The following GCN1 variants were observed in gnomAD, a reference collection of about 807,000 sequenced individuals.
GCN1 encodes GCN1 activator of EIF2AK4.
Under a neutral mutation model 288.4 loss-of-function variants are expected in GCN1, and 90 were observed. The observed-to-expected ratio is 0.31, with a 90% CI of 0.26 to 0.37. The LOEUF is 0.37. GCN1 is among the 10% of genes least tolerant of loss of function. GCN1 has a pLI of 1.00. For synonymous variants in GCN1, 1,386 were observed against 1,420.2 expected (o/e 0.98, Z 0.54); for missense variants, 2,586 against 3,419.9 (o/e 0.76, Z 6.08).
At chr12:120,135,395 G>A (rs1012334838) in intron 51 of GCN1, among the ~76,000 whole-genome samples, 9 of 151,256 alleles carry the variant, frequency 6.0e-5, no homozygotes, top group Non-Finnish European at 1.2e-4. Flanking sequence ...ACGGAGTTTC[G>A]CTCTTGTTGC....
Position 120,148,252 on chromosome 12 carries a change from C to T in GCN1, c.4641G>A (p.Leu1547=), listed in dbSNP as rs1180057910. The T allele has an allele frequency of 6.2e-7, 1 of 1,614,042 alleles. No individual in the cohort carries two copies. The highest frequency in any genetic ancestry group is 8.5e-7 in the Non-Finnish European group (1 of 1,179,930). ...TCTGGACTTTGACATGGGAGTCGGT[C>T]AGCACCTCCGTAAGCTTGGGCACAA... ...PNIVPKLTEV[L]TDSHVKVQKA... The change falls in exon 37 of 58, where the codon CTG becomes CTA. Residue 1547 remains leucine, a synonymous_variant. Transcript: ENST00000300648.
Position 120,137,099 on chromosome 12 carries a change from C to T in GCN1, c.6777+107G>A, listed in dbSNP as rs549956086. ...CGAAGGTGCTGAACACCAACCACCA[C>T]GGCTACTGCTCCAGCAGCCCCTACC... On this transcript the variant is annotated intron_variant, in intron 50 of 57. Transcript: ENST00000300648. The surrounding 1 kb of genome is among the most constrained non-coding windows in gnomAD (Gnocchi z 5.2). 4.3e-4 allele frequency: 336 copies of T among 784,544 alleles called. 1 individual carries two copies. Among genetic ancestry groups the T allele is most frequent in the African/African-American group, 9.3e-4 (55 of 59,072 alleles). The allele number at this position is 784,544 out of a possible 1,614,324, so 48.6% of individuals were successfully genotyped here. A position where few individuals can be genotyped will look rare whatever the true frequency, so the allele number is the denominator to read the frequency against.
chr12:120,177,131 T>G (rs1878504603), intron 9 of GCN1, among the ~76,000 whole-genome samples: 1 of 152,128 alleles, frequency 6.6e-6, no homozygotes, highest in African/African-American at 2.4e-5. Context: ...GTCGCCATCT[T>G]GGCTCACTGC....
Position 120,142,749 on chromosome 12 carries a change from G to A in GCN1, c.5614-27C>T, listed in dbSNP as rs376747146. 1 of 1,610,388 alleles carries A rather than the reference G, an allele frequency of 6.2e-7. No individual in the cohort carries two copies. Among genetic ancestry groups the A allele is most frequent in the Non-Finnish European group, 8.5e-7 (1 of 1,176,528 alleles). On this transcript the variant is annotated intron_variant, in intron 43 of 57. Transcript: ENST00000300648. This position sits in a 1 kb window ranked among gnomAD's most constrained non-coding sequence, Gnocchi z 4.9. ...TGCAGCCAGTAGAAGGGGACAGAGAGTAGTGAAGCCTCTATGGCATGGGCA... is the reference window on the plus strand; with the variant it reads ...TGCAGCCAGTAGAAGGGGACAGAGAATAGTGAAGCCTCTATGGCATGGGCA...
chr12:120,174,320 C>T, intron 12 of GCN1, 151 bp from the exon 13 acceptor site: 1 of 610,820 alleles, frequency 1.6e-6, no homozygotes. Context: ...GATCTTCCTT[C>T]AATGCCCCCT....
chr12:120,163,725 C>A (rs1218558765), intron 18 of GCN1, among the ~76,000 whole-genome samples: 1 of 152,024 alleles, frequency 6.6e-6, no homozygotes, highest in African/African-American at 2.4e-5. Context: ...CCCTATTTGC[C>A]TTTGAAACGC....
rs890209375 is a variant in GCN1 at position 120,131,982 on chromosome 12, A to G, written c.7358T>C (p.Leu2453Pro). The G allele has an allele frequency of 1.2e-6, 2 of 1,604,676 alleles. No homozygotes were observed. The highest frequency in any genetic ancestry group is 1.7e-6 in the Non-Finnish European group (2 of 1,174,976). ...CTCCTCTTCAGTCAAAAAGGCACAC[A>G]GTTCCCCTAGGCACCCGGCTGAGGA... ...RISSAGCLGE[L>P]CAFLTEEELS... Residue 2453 changes from leucine to proline, a missense_variant, in exon 54 of 58, where the codon CTG (leucine) becomes CCG (proline). Physicochemically the swap from Leu to Pro is moderately conservative, Grantham distance 98. This residue lies in a region of GCN1 where 355 missense variants were observed against 431.1 expected (regional missense o/e 0.82). Transcript: ENST00000300648.
intron 45 of GCN1, among the ~76,000 whole-genome samples, chr12:120,140,632 A>G (rs1377954139): frequency 1.3e-5 from 2 of 152,208 alleles, no homozygotes; most frequent in Non-Finnish European, 2.9e-5. Context: ...CCACTCAAGG[A>G]GGCATCCAAA....
chr12:120,186,073 C>T (rs1307227664), intron 2 of GCN1, among the ~76,000 whole-genome samples: 1 of 152,052 alleles, frequency 6.6e-6, no homozygotes, highest in African/African-American at 2.4e-5. Context: ...GTGGCTCACG[C>T]CTGTAATCCC....
chr12:120,150,087 T>C, intron 34 of GCN1, 44 bp from the exon 35 acceptor site: 1 of 1,606,618 alleles, frequency 6.2e-7, no homozygotes, highest in Non-Finnish European at 8.5e-7. Context: ...GAATGTCCCC[T>C]GGGGGTAGCC....
At position 120,155,559 on chromosome 12, in the gene GCN1, C is replaced by T. The variant is rs748539347; in HGVS notation, c.3440+33G>A. ...TTATTTCCTAAAGGAAGAGAGGATG[C>T]AGCAGGAGAAAGCGACATGCTGGCT... On this transcript the variant is annotated intron_variant, in intron 29 of 57. Coordinates refer to ENST00000300648, the MANE Select transcript of GCN1 (RefSeq NM_006836.2). The surrounding 1 kb of genome is among the most constrained non-coding windows in gnomAD (Gnocchi z 4.9). 1 of 1,612,874 alleles carries T rather than the reference C, an allele frequency of 6.2e-7. No homozygotes were observed.
In GCN1 at chr12:120,150,129, C is replaced by T. The variant is rs1053831010; in HGVS notation, c.4310-86G>A. ...AACAGAAGGGACAGCAACCTCCCTG[C>T]CACCTCCCACCCCTCTGGAAACACT... On this transcript the variant is annotated intron_variant, in intron 34 of 57. Coordinates refer to ENST00000300648, the MANE Select transcript of GCN1 (RefSeq NM_006836.2). 15 of 1,315,336 alleles carry T rather than the reference C, an allele frequency of 1.1e-5. No individual in the cohort carries two copies. In the African/African-American group the frequency reaches 2.2e-4, roughly 19 times the overall value. The allele number at this position is 1,315,336 out of a possible 1,614,324, so 81.5% of individuals were successfully genotyped here.
rs1456169330 is a variant in GCN1 at position 120,142,561 on chromosome 12, A to T, written c.5775T>A (p.Thr1925=). The T allele has an allele frequency of 6.2e-7, 1 of 1,613,958 alleles. No homozygotes were observed. The change falls in exon 44 of 58, where the codon ACT becomes ACA. Residue 1925 remains threonine, a synonymous_variant. Transcript: ENST00000300648. The surrounding 1 kb of genome is among the most constrained non-coding windows in gnomAD (Gnocchi z 4.9). ...GGAAACCCAGCAGGAGCCCAAAGAG[A>T]GTGGGTAGGATCTCACGCAAGGTGC... is the stretch of plus-strand genomic sequence containing the variant. The part of the protein sequence containing the change: ...TPRTLREILP[T]LFGLLLGFLA...
chr12:120,183,028 G>A (rs772182964), intron 5 of GCN1, among the ~76,000 whole-genome samples: 1 of 151,418 alleles, frequency 6.6e-6, no homozygotes, highest in African/African-American at 2.4e-5. Context: ...TGTCTGCTCT[G>A]CTCACCTCCC....
At position 120,163,220 on chromosome 12, in the gene GCN1, C is replaced by A; in HGVS notation, c.1888G>T (p.Val630Leu). The change falls in exon 19 of 58, where the codon GTG (valine) becomes TTG (leucine). Residue 630 changes from valine (V) to leucine (L), a missense_variant. By Grantham distance (32) the Val-to-Leu change is conservative. Coordinates refer to ENST00000300648, the MANE Select transcript of GCN1 (RefSeq NM_006836.2). ...ACGTAGGCCTTGCCTGCCTCAGTCA[C>A]CTCTCCAGCATCAGTCACCAAAGCC... is the stretch of plus-strand genomic sequence containing the variant. ...LEALVTDAGE[V>L]TEAGKAYVPP... 6.2e-7 allele frequency: 1 copy of A among 1,614,162 alleles called. No homozygotes were observed. Among genetic ancestry groups the A allele is most frequent in the Non-Finnish European group, 8.5e-7 (1 of 1,180,000 alleles).
intron 34 of GCN1, among the ~76,000 whole-genome samples, chr12:120,150,711 A>G (rs1305295671): frequency 6.6e-6 from 1 of 151,478 alleles, no homozygotes; most frequent in Middle Eastern, 3.4e-3. Context: ...GCTGAGGCGG[A>G]CAGATCACGA....
chr12:120,187,200 T>G (rs1010384570), intron 2 of GCN1, among the ~76,000 whole-genome samples: 2 of 151,270 alleles, frequency 1.3e-5, no homozygotes, highest in African/African-American at 2.4e-5. Flanking sequence ...CCAATCTATA[T>G]GGCCATGATT....
chr12:120,166,791 G>A (rs2139121528), intron 16 of GCN1, among the ~76,000 whole-genome samples: 1 of 151,480 alleles, frequency 6.6e-6, no homozygotes, highest in African/African-American at 2.4e-5. Context: ...CAGGAGAATT[G>A]CTTAAGCCCA....
Position 120,137,249 on chromosome 12 carries a change from T to A in GCN1, c.6734A>T (p.Glu2245Val), listed in dbSNP as rs757373450. ...TCCTGGCACATGCTCGCCTTTGCTC[T>A]CGTTCCCTATGAGCCGGATTTCCTT... Reference protein sequence around the residue: ...LHKEIRLIGNESKGEHVPGFC... With the variant: ...LHKEIRLIGNVSKGEHVPGFC... Residue 2245 changes from glutamate (E) to valine (V), a missense_variant, in exon 50 of 58, where the codon GAG becomes GTG. Physicochemically the swap from Glu to Val is moderately radical, Grantham distance 121 (BLOSUM62 -2). Transcript: ENST00000300648. The surrounding 1 kb of genome is among the most constrained non-coding windows in gnomAD (Gnocchi z 5.2). The A allele has an allele frequency of 1.2e-6, 2 of 1,614,208 alleles. No individual in the cohort carries two copies. The highest frequency in any genetic ancestry group is 3.3e-5 in the Admixed American group (2 of 60,014).
Sources: allele counts gnomAD v4.1 joint callset (sites outside exome capture counted in the v4.1 genomes callset), GRCh38; gene constraint gnomAD v4.1.1; regional missense constraint gnomAD v4.1.1; non-coding constraint Gnocchi (gnomAD v3.1); transcripts MANE v1.5; gene names NCBI Gene and HGNC (gene_info 2026-07-23, HGNC 2026-07-21).